SLC44A5: variants seen among roughly 807,000 people sequenced by gnomAD.
The protein encoded by SLC44A5 is choline transporter-like protein 5.
In SLC44A5, 57 loss-of-function variants were observed where a neutral mutation model predicts 101.8. That is an observed-to-expected ratio of 0.56 (90% confidence interval 0.45 to 0.70). SLC44A5 has a LOEUF of 0.70. Among genes scored for constraint, SLC44A5 ranks in the 30% least tolerant of loss-of-function variants. The pLI is 0.00. For missense variants in SLC44A5, 737 were observed against 853.1 expected, an observed-to-expected ratio of 0.86 and a Z score of 1.70; for synonymous variants, 281 against 290.9, an observed-to-expected ratio of 0.97 and a Z score of 0.35.
intron 2 of SLC44A5, among the ~76,000 whole-genome samples, chr1:75,431,113 C>G (rs894332304): frequency 1.3e-5 from 2 of 152,060 alleles, no homozygotes; most frequent in Admixed American, 6.6e-5. Context: ...AAATCCAAAC[C>G]GTTTTATTGA....
At chr1:75,556,391 TAG>T (rs1672218042) in intron 1 of SLC44A5, among the ~76,000 whole-genome samples, 1 of 152,076 alleles carries the variant, frequency 6.6e-6, no homozygotes, top group Admixed American at 6.6e-5. Context: ...CTGCACTGAG[TAG>T]CATATGATCT....
chr1:75,387,035 CT>C (rs1410592455), intron 3 of SLC44A5, among the ~76,000 whole-genome samples: 2 of 151,906 alleles, frequency 1.3e-5, no homozygotes, highest in African/African-American at 4.8e-5. Context: ...GGATCCCTTC[CT>C]TACACCTTAT....
chr1:75,508,923 G>A (rs906232720), intron 2 of SLC44A5, among the ~76,000 whole-genome samples: 1 of 152,272 alleles, frequency 6.6e-6, no homozygotes, highest in African/African-American at 2.4e-5. Context: ...CCCACAGTGG[G>A]TTTTTCTAGA....
chr1:75,637,985 C>T, the SLC44A5 span, among the ~76,000 whole-genome samples: 96,471 of 151,792 alleles, frequency 0.64, 31,080 homozygotes, highest in East Asian at 0.97. Context: ...GATATAAATC[C>T]GCCTATGCAG....
At chr1:75,538,771 T>A (rs970193267) in intron 2 of SLC44A5, among the ~76,000 whole-genome samples, 1 of 152,246 alleles carries the variant, frequency 6.6e-6, no homozygotes, top group Admixed American at 6.5e-5. Context: ...TAAAATTTAT[T>A]GTTCCTCTTT....
chr1:75,396,099 C>T (rs973712894), intron 3 of SLC44A5, among the ~76,000 whole-genome samples: 3 of 152,134 alleles, frequency 2.0e-5, no homozygotes, highest in African/African-American at 7.2e-5. Flanking sequence ...CCAGGTCCTA[C>T]TCATGCTGCT....
chr1:75,681,961 A>G, the SLC44A5 span, among the ~76,000 whole-genome samples: 1 of 152,196 alleles, frequency 6.6e-6, no homozygotes, highest in African/African-American at 2.4e-5. Flanking sequence ...CTATACACCA[A>G]CAACAGACAA....
chr1:75,233,274 G>A (rs1204450398), intron 12 of SLC44A5, among the ~76,000 whole-genome samples: 1 of 152,058 alleles, frequency 6.6e-6, no homozygotes, highest in African/African-American at 2.4e-5. Flanking sequence ...ATTGCATAGT[G>A]GCTCTTAGTG....
intron 3 of SLC44A5, among the ~76,000 whole-genome samples, chr1:75,339,940 A>G (rs557798119): frequency 7.1e-4 from 108 of 152,266 alleles, no homozygotes; most frequent in African/African-American, 2.6e-3. Flanking sequence ...TGAAGACTTT[A>G]TGGTCTGCAA....
At chr1:75,513,209 C>T (rs573799662) in intron 2 of SLC44A5, among the ~76,000 whole-genome samples, 35 of 152,186 alleles carry the variant, frequency 2.3e-4, no homozygotes, top group South Asian at 4.1e-4. Flanking sequence ...CTTATACAGA[C>T]AGCCAACATT....
At chr1:75,703,271 C>G in the SLC44A5 span, among the ~76,000 whole-genome samples, 2 of 151,616 alleles carry the variant, frequency 1.3e-5, no homozygotes, top group African/African-American at 4.9e-5. Flanking sequence ...AAATGTCCAA[C>G]GATGATAGAC....
intron 3 of SLC44A5, among the ~76,000 whole-genome samples, chr1:75,391,190 C>T (rs1661762500): frequency 6.6e-6 from 1 of 151,852 alleles, no homozygotes; most frequent in Non-Finnish European, 1.5e-5. Context: ...TGAAAGAAAT[C>T]ATAGATGACA....
At chr1:75,221,603 C>CA (rs1468652330) in intron 14 of SLC44A5, among the ~76,000 whole-genome samples, 1 of 152,060 alleles carries the variant, frequency 6.6e-6, no homozygotes, top group Non-Finnish European at 1.5e-5. Context: ...ACAGAAGTGG[C>CA]AATAGCATAT....
At chr1:75,451,370 C>T (rs988427704) in intron 2 of SLC44A5, among the ~76,000 whole-genome samples, 1 of 152,140 alleles carries the variant, frequency 6.6e-6, no homozygotes. Flanking sequence ...GGTTGAACTG[C>T]ACAGCCCAAT....
chr1:75,253,283 C>A (rs1007688500), intron 6 of SLC44A5, among the ~76,000 whole-genome samples: 2 of 152,138 alleles, frequency 1.3e-5, no homozygotes, highest in African/African-American at 2.4e-5. Context: ...CAGAGTCAAA[C>A]CTGAGCTTGG....
upstream of SLC44A5, among the ~76,000 whole-genome samples, chr1:75,615,429 A>G (rs1675831337): frequency 1.5e-5 from 1 of 64,680 alleles, no homozygotes; most frequent in African/African-American, 5.5e-5. Context: ...ACACACACAC[A>G]CATACATACA....
rs1367266644 is a variant in SLC44A5 at position 75,253,539 on chromosome 1, G to GATCT, written c.261-2249_261-2246dup. Among the ~76,000 whole-genome samples the GATCT allele has an allele frequency of 4.6e-5, 7 of 152,170 alleles. No individual in the cohort carries two copies. The East Asian group carries it at 1.3e-3, about 29-fold the overall frequency. On this transcript the variant is annotated intron_variant, in intron 6 of 23. Transcript: ENST00000370859. ...AATATGTACAAGGCTACTACTTTGA[G>GATCT]ATCTACAAGTGCTAACTTGGCTATT... is the stretch of plus-strand genomic sequence containing the variant.
chr1:75,303,482 C>T (rs562162297), intron 4 of SLC44A5, among the ~76,000 whole-genome samples: 2 of 152,334 alleles, frequency 1.3e-5, no homozygotes, highest in African/African-American at 4.8e-5. Context: ...GATCCACCCA[C>T]CTTGGCCTCC....
intron 2 of SLC44A5, among the ~76,000 whole-genome samples, chr1:75,537,034 A>AAG (rs1553199990): frequency 1.1e-4 from 2 of 18,660 alleles, no homozygotes; most frequent in Non-Finnish European, 1.6e-4. Flanking sequence ...AAAAAAAAAA[A>AAG]TATATATCTA....
Sources: gnomAD v4.1 joint callset for allele counts (sites outside exome capture counted in the v4.1 genomes callset) on GRCh38, gnomAD v4.1.1 for gene constraint, MANE v1.5 for transcripts, NCBI Gene and HGNC (gene_info 2026-07-23, HGNC 2026-07-21) for gene names.